Variants in CNTN5 observed in about 807,000 individuals in gnomAD.
CNTN5 encodes contactin 5.
Under a neutral mutation model 129.1 loss-of-function variants are expected in CNTN5, and 77 were observed. That is an observed-to-expected ratio of 0.60 (90% CI 0.50 to 0.72). The LOEUF is 0.72. Among genes scored for constraint, CNTN5 ranks in the 30% least tolerant of loss-of-function variants. CNTN5 has a pLI of 0.00. For missense variants in CNTN5, 1,478 were observed against 1,328.8 expected (o/e 1.11, Z -1.75); for synonymous variants, 509 against 465.6 (o/e 1.09, Z -1.20).
chr11:99,788,581 G>A (rs1266329629), intron 3 of CNTN5, among the ~76,000 whole-genome samples: 2 of 151,834 alleles, frequency 1.3e-5, no homozygotes, highest in African/African-American at 4.8e-5. Context: ...CCCCATACAA[G>A]TCACAGTGAT....
intron 2 of CNTN5, among the ~76,000 whole-genome samples, chr11:99,489,951 T>C (rs886641697): frequency 2.6e-5 from 4 of 152,132 alleles, no homozygotes; most frequent in Non-Finnish European, 5.9e-5. Context: ...TTGAAACAAG[T>C]GCCTTGATCT....
chr11:99,263,953 A>C (rs1862764046), intron 1 of CNTN5, among the ~76,000 whole-genome samples: 1 of 152,118 alleles, frequency 6.6e-6, no homozygotes, highest in South Asian at 2.1e-4. Flanking sequence ...TAACTCAGTT[A>C]ATCAATAAGT....
At chr11:99,111,748 G>A (rs1857805855) in intron 1 of CNTN5, among the ~76,000 whole-genome samples, 1 of 151,918 alleles carries the variant, frequency 6.6e-6, no homozygotes, top group Non-Finnish European at 1.5e-5. Flanking sequence ...TAGGAAAAGT[G>A]TACTAGCCTG....
intron 3 of CNTN5, among the ~76,000 whole-genome samples, chr11:99,624,807 A>T (rs2135778577): frequency 6.6e-6 from 1 of 152,302 alleles, no homozygotes; most frequent in East Asian, 1.9e-4. Context: ...CTTTCTCCAA[A>T]TATAGCTCAT....
At chr11:100,172,236 T>C (rs1947848050) in intron 13 of CNTN5, among the ~76,000 whole-genome samples, 1 of 151,840 alleles carries the variant, frequency 6.6e-6, no homozygotes, top group Admixed American at 6.6e-5. Context: ...TGTAGTTAGA[T>C]AGCCAGAGAT....
At chr11:99,948,604 C>G (rs945981527) in intron 7 of CNTN5, among the ~76,000 whole-genome samples, 1 of 152,182 alleles carries the variant, frequency 6.6e-6, no homozygotes, top group Non-Finnish European at 1.5e-5. Context: ...GTTTCCTTTT[C>G]TCTTTTCAAA....
At chr11:99,820,404 A>G (rs970176520) in intron 4 of CNTN5, among the ~76,000 whole-genome samples, 4 of 152,414 alleles carry the variant, frequency 2.6e-5, no homozygotes, top group South Asian at 4.1e-4. Context: ...ATAAGTATAT[A>G]CTTAGCATTA....
chr11:100,186,549 G>A (rs1210703069), intron 13 of CNTN5, among the ~76,000 whole-genome samples: 6 of 152,092 alleles, frequency 3.9e-5, no homozygotes, highest in African/African-American at 1.4e-4. Context: ...TGAGTAACTA[G>A]GTGCAAGGTG....
intron 1 of CNTN5, among the ~76,000 whole-genome samples, chr11:99,237,363 A>G (rs1345236527): frequency 1.3e-5 from 2 of 152,106 alleles, no homozygotes; most frequent in Non-Finnish European, 2.9e-5. Flanking sequence ...TTTATTATCC[A>G]TTCACCTATT....
intron 3 of CNTN5, among the ~76,000 whole-genome samples, chr11:99,614,940 C>T (rs564139992): frequency 6.6e-6 from 1 of 151,440 alleles, no homozygotes; most frequent in South Asian, 2.1e-4. Flanking sequence ...AATGGCCGTA[C>T]TGTTGTTTAT....
chr11:99,351,909 C>T (rs898071460), intron 2 of CNTN5, among the ~76,000 whole-genome samples: 1 of 152,202 alleles, frequency 6.6e-6, no homozygotes, highest in Non-Finnish European at 1.5e-5. Flanking sequence ...TGGCTGGAAC[C>T]TGATTAGAAC....
chr11:99,968,870 TATAA>T (rs139207576), intron 8 of CNTN5, among the ~76,000 whole-genome samples: 17 of 151,996 alleles, frequency 1.1e-4, no homozygotes, highest in Non-Finnish European at 2.1e-4. Flanking sequence ...AGCTGAATAA[TATAA>T]AAAGTTTGTA....
At chr11:99,061,913 G>T (rs890269431) in intron 1 of CNTN5, among the ~76,000 whole-genome samples, 3 of 151,720 alleles carry the variant, frequency 2.0e-5, no homozygotes, top group African/African-American at 7.3e-5. Context: ...GATCACTTGA[G>T]CCCAGGAGTT....
At chr11:100,126,291 T>G (rs977008005) in intron 13 of CNTN5, among the ~76,000 whole-genome samples, 2 of 152,154 alleles carry the variant, frequency 1.3e-5, no homozygotes, top group African/African-American at 4.8e-5. Context: ...GAGTATTCTG[T>G]AGATGTCTAC....
intron 1 of CNTN5, among the ~76,000 whole-genome samples, chr11:99,143,021 G>A (rs11218541): frequency 0.25 from 38,307 of 151,752 alleles, 5,238 homozygotes; most frequent in Middle Eastern, 0.31. Context: ...CACTCTCAAC[G>A]CCTTTCTTCC....
chr11:99,606,093 C>G (rs1950406247), intron 3 of CNTN5, among the ~76,000 whole-genome samples: 1 of 40,678 alleles, frequency 2.5e-5, no homozygotes, highest in African/African-American at 8.8e-5. Flanking sequence ...GAAGTTCTGG[C>G]CAGGGCAATC....
At position 99,307,921 on chromosome 11, in the gene CNTN5, T is replaced by C. The variant is rs141680731; in HGVS notation, c.-209-17425T>C. Among the ~76,000 whole-genome samples, 4 of 152,336 alleles carry C rather than the reference T, an allele frequency of 2.6e-5. No homozygotes were observed. In the East Asian group the frequency reaches 7.7e-4, roughly 29 times the overall value. On this transcript the variant is annotated intron_variant, in intron 1 of 24. Coordinates refer to ENST00000524871, the MANE Select transcript of CNTN5 (RefSeq NM_014361.4). Reference sequence around the variant, plus strand: ...ACATACACCCAAACCAGCATAGGCTTACACAGAAACTAAATCAATGTTCAA... The same window carrying C: ...ACATACACCCAAACCAGCATAGGCTCACACAGAAACTAAATCAATGTTCAA...
intron 13 of CNTN5, among the ~76,000 whole-genome samples, chr11:100,150,356 T>G (rs767345233): frequency 7.2e-5 from 11 of 152,134 alleles, no homozygotes; most frequent in Non-Finnish European, 1.0e-4. Context: ...ATTATTGTGC[T>G]TGCTTGTGTT....
chr11:100,296,323 C>A (rs1484372270), intron 18 of CNTN5, among the ~76,000 whole-genome samples: 2 of 151,428 alleles, frequency 1.3e-5, no homozygotes, highest in African/African-American at 2.4e-5. Flanking sequence ...GTCATATTTA[C>A]AGTTATTGCT....
Sources: gnomAD v4.1 joint callset for allele counts (sites outside exome capture counted in the v4.1 genomes callset) on GRCh38, gnomAD v4.1.1 for gene constraint, MANE v1.5 for transcripts, NCBI Gene and HGNC (gene_info 2026-07-23, HGNC 2026-07-21) for gene names.